RARB: variants seen among roughly 807,000 people sequenced by gnomAD.
RARB encodes HBV-activated protein.
Under a neutral mutation model 51.9 loss-of-function variants are expected in RARB, and 17 were observed. That is an observed-to-expected ratio of 0.33 (90% CI 0.22 to 0.49). The LOEUF is 0.49. Ranked by LOEUF, RARB falls within the 20% of genes least tolerant of loss-of-function variation. RARB has a pLI of 0.99. For synonymous variants in RARB, 215 were observed against 195.4 expected (o/e 1.10, Z -0.84); for missense variants, 369 against 550.8 (o/e 0.67, Z 3.30).
At chr3:25,502,975 T>C (rs1697393562) in intron 3 of RARB, among the ~76,000 whole-genome samples, 1 of 152,216 alleles carries the variant, frequency 6.6e-6, no homozygotes, top group Admixed American at 6.5e-5. Context: ...ATGAGTGTCT[T>C]GTTAATATTT....
chr3:24,913,502 A>G (rs1695044458), intron 2 of RARB, among the ~76,000 whole-genome samples: 1 of 151,502 alleles, frequency 6.6e-6, no homozygotes, highest in Non-Finnish European at 1.5e-5. Flanking sequence ...GAAAAATACA[A>G]TTTCAGAGTA....
intron 4 of RARB, among the ~76,000 whole-genome samples, chr3:25,575,080 G>A (rs921857867): frequency 5.9e-5 from 9 of 152,160 alleles, no homozygotes; most frequent in Non-Finnish European, 2.9e-5. Context: ...CCAGTTTCAT[G>A]GAAGAGAATT....
chr3:24,958,358 C>T (rs1224919042), intron 2 of RARB, among the ~76,000 whole-genome samples: 3 of 142,728 alleles, frequency 2.1e-5, no homozygotes, highest in East Asian at 4.4e-4. Flanking sequence ...CCTTATATGC[C>T]CTCTAATAAA....
chr3:24,918,124 G>C (rs73049480), intron 2 of RARB, among the ~76,000 whole-genome samples: 11,784 of 152,268 alleles, frequency 0.077, 653 homozygotes, highest in East Asian at 0.29. Flanking sequence ...ATTGTTCTTA[G>C]TAGTTAAAAA....
intron 5 of RARB, chr3:25,174,674 A>G: frequency 8.9e-7 from 1 of 1,117,408 alleles, no homozygotes; most frequent in South Asian, 1.4e-5. Context: ...TTCTTATTTC[A>G]TTGGGTGCTG....
At chr3:24,933,942 CTG>C (rs1320550608) in intron 2 of RARB, among the ~76,000 whole-genome samples, 8 of 152,118 alleles carry the variant, frequency 5.3e-5, no homozygotes, top group Non-Finnish European at 7.4e-5. Context: ...AGGTAATCAA[CTG>C]TATACATTCT....
At chr3:25,130,226 T>G (rs1329410031) in intron 3 of RARB, among the ~76,000 whole-genome samples, 1 of 152,052 alleles carries the variant, frequency 6.6e-6, no homozygotes, top group East Asian at 1.9e-4. Flanking sequence ...ACTGAGGACT[T>G]TTACACATGG....
At chr3:25,351,380 C>T (rs1445855959) in intron 5 of RARB, among the ~76,000 whole-genome samples, 1 of 152,106 alleles carries the variant, frequency 6.6e-6, no homozygotes, top group African/African-American at 2.4e-5. Context: ...GCTCATCCTC[C>T]TGTCCCTGCA....
intron 3 of RARB, among the ~76,000 whole-genome samples, chr3:25,531,960 C>A (rs1698946266): frequency 8.3e-6 from 1 of 120,422 alleles, no homozygotes; most frequent in Non-Finnish European, 1.6e-5. Context: ...ATATTTGGAC[C>A]TATTCATTTC....
chr3:25,146,501 TTG>T (rs1157650351), intron 4 of RARB, among the ~76,000 whole-genome samples: 23 of 96,328 alleles, frequency 2.4e-4, no homozygotes, highest in East Asian at 1.6e-3. Flanking sequence ...AGTTTTTTGT[TTG>T]TTTGTTTGTT....
chr3:24,982,159 G>C (rs1696691745), intron 2 of RARB, among the ~76,000 whole-genome samples: 1 of 152,140 alleles, frequency 6.6e-6, no homozygotes, highest in South Asian at 2.1e-4. Context: ...TTGTGGCCTG[G>C]GCACTCTCTC....
intron 3 of RARB, among the ~76,000 whole-genome samples, chr3:25,079,815 G>C (rs1369176638): frequency 6.6e-6 from 1 of 152,122 alleles, no homozygotes; most frequent in Non-Finnish European, 1.5e-5. Flanking sequence ...ATTCATGAGG[G>C]ATGTTAGTCT....
chr3:25,499,608 T>A (rs1473640567), intron 2 of RARB, among the ~76,000 whole-genome samples: 1 of 152,210 alleles, frequency 6.6e-6, no homozygotes, highest in African/African-American at 2.4e-5. Flanking sequence ...TTGCTTCTTT[T>A]GTCAAAATGT....
chr3:25,168,128 T>TA (rs1413302535), intron 4 of RARB, among the ~76,000 whole-genome samples: 5 of 152,212 alleles, frequency 3.3e-5, no homozygotes, highest in Non-Finnish European at 5.9e-5. Context: ...CATCTAATGT[T>TA]AATGGAAATA....
At chr3:25,047,506 T>C (rs914723373) in intron 2 of RARB, among the ~76,000 whole-genome samples, 3 of 152,198 alleles carry the variant, frequency 2.0e-5, no homozygotes, top group African/African-American at 7.2e-5. Context: ...ATCTACTATA[T>C]TGGATGTCAT....
At chr3:25,566,183 T>C (rs1284367659) in intron 3 of RARB, among the ~76,000 whole-genome samples, 1 of 152,214 alleles carries the variant, frequency 6.6e-6, no homozygotes, top group Non-Finnish European at 1.5e-5. Flanking sequence ...GCGTCTGCGT[T>C]CTTCTAGAGT....
intron 5 of RARB, among the ~76,000 whole-genome samples, chr3:25,177,776 A>G (rs576182745): frequency 6.6e-6 from 1 of 152,152 alleles, no homozygotes; most frequent in Non-Finnish European, 1.5e-5. Flanking sequence ...CCATTCCCAC[A>G]CATAAAGTTG....
intron 2 of RARB, among the ~76,000 whole-genome samples, chr3:25,030,168 G>A (rs527416616): frequency 6.6e-6 from 1 of 152,276 alleles, no homozygotes; most frequent in Non-Finnish European, 1.5e-5. Context: ...ATTACCTTCT[G>A]CCTGAGCCTG....
intron 5 of RARB, among the ~76,000 whole-genome samples, chr3:25,367,817 C>CAAAAAAAAAAAAAAAAAGAA (rs369165017): frequency 8.0e-6 from 1 of 125,572 alleles, no homozygotes; most frequent in East Asian, 2.3e-4. Context: ...AAAAAACAAG[C>CAAAAAAAAAAAAAAAAAGAA]AAAAAAAAAA....
Sources: allele counts gnomAD v4.1 joint callset (sites outside exome capture counted in the v4.1 genomes callset), GRCh38; gene constraint gnomAD v4.1.1; transcripts MANE v1.5; gene names NCBI Gene and HGNC (gene_info 2026-07-23, HGNC 2026-07-21).